LRRC7: variants seen among roughly 807,000 people sequenced by gnomAD.
LRRC7 encodes leucine-rich repeat-containing protein 7.
LRRC7 carries 23 observed loss-of-function variants against 175.7 expected under a neutral mutation model. The ratio of observed to expected loss-of-function variants is 0.13; its 90% CI spans 0.09 to 0.19. LRRC7 has a LOEUF of 0.19. Among genes scored for constraint, LRRC7 ranks in the 10% least tolerant of loss-of-function variants. The pLI is 1.00. For missense variants in LRRC7, 1,354 were observed against 1,904.7 expected, an observed-to-expected ratio of 0.71 and a Z score of 5.38; for synonymous variants, 685 against 680.9, an observed-to-expected ratio of 1.01 and a Z score of -0.09.
chr1:69,732,219 G>A (rs1394678154), intron 2 of LRRC7, among the ~76,000 whole-genome samples: 3 of 151,714 alleles, frequency 2.0e-5, no homozygotes, highest in Non-Finnish European at 4.4e-5. Context: ...TCAAGAAAAA[G>A]CTAAATATTT....
chr1:69,923,576 G>GT (rs1557892793), intron 7 of LRRC7, among the ~76,000 whole-genome samples: 3 of 152,176 alleles, frequency 2.0e-5, no homozygotes, highest in African/African-American at 7.2e-5. Context: ...TTGTTCATGT[G>GT]TTTTTTGGCT....
chr1:70,038,123 T>C lies in LRRC7; in HGVS notation c.2299T>C (p.Ser767Pro), dbSNP rs1439026962. ...NSLWGNRIAP[S>P]FPQPLDSKPL... Reference sequence around the variant, plus strand: ...CCATTGTGTTCACAGGATTGCACCATCTTTCCCACAGCCTCTTGATTCAAA... The same window carrying C: ...CCATTGTGTTCACAGGATTGCACCACCTTTCCCACAGCCTCTTGATTCAAA... Residue 767 changes from serine (S) to proline (P), a missense_variant, in exon 21 of 27, where the codon TCT becomes CCT. Transcript: ENST00000651989. 1.2e-6 allele frequency: 2 copies of C among 1,608,016 alleles called. No individual in the cohort carries two copies. Among genetic ancestry groups the C allele is most frequent in the African/African-American group, 2.7e-5 (2 of 74,784 alleles).
At chr1:69,782,091 A>T (rs2101030106) in intron 3 of LRRC7, among the ~76,000 whole-genome samples, 1 of 152,286 alleles carries the variant, frequency 6.6e-6, no homozygotes, top group Middle Eastern at 3.4e-3. Context: ...CAAAATAAGG[A>T]TAATAATACC....
Position 70,013,092 on chromosome 1 carries a change from AT to A in LRRC7, c.1250+8del, listed in dbSNP as rs574666716. ...GTCCTAAATTTGAGTGACAACAGGT[AT>A]TTTTGCAACATTTCACAATCACATA... On this transcript the variant is annotated splice_donor_region_variant and intron_variant, in intron 13 of 26. Coordinates refer to ENST00000651989, the MANE Select transcript of LRRC7 (RefSeq NM_001370785.2). 129 of 1,508,378 alleles carry A rather than the reference AT, an allele frequency of 8.6e-5. No homozygotes were observed. The African/African-American group carries it at 1.6e-3, about 18-fold the overall frequency. 93.4% of individuals were successfully genotyped at this position (1,508,378 alleles called of 1,614,324 possible). A position where few individuals can be genotyped will look rare whatever the true frequency, so the allele number is the denominator to read the frequency against.
At chr1:70,056,394 T>C (rs1394115138) in intron 23 of LRRC7, among the ~76,000 whole-genome samples, 1 of 152,166 alleles carries the variant, frequency 6.6e-6, no homozygotes, top group Admixed American at 6.5e-5. Flanking sequence ...TTCAAGGAAA[T>C]ACTTCACTAA....
At chr1:69,602,959 G>A (rs1647140663) in intron 1 of LRRC7, among the ~76,000 whole-genome samples, 1 of 152,180 alleles carries the variant, frequency 6.6e-6, no homozygotes, top group Non-Finnish European at 1.5e-5. Context: ...AGTAGCCTAT[G>A]CGATCTAGGT....
chr1:69,772,924 A>G (rs1158475186), intron 3 of LRRC7, among the ~76,000 whole-genome samples: 1 of 152,232 alleles, frequency 6.6e-6, no homozygotes, highest in Non-Finnish European at 1.5e-5. Context: ...ATTGGCTAAG[A>G]GGATAGAGGA....
chr1:69,627,506 T>G (rs1570034774), intron 1 of LRRC7, among the ~76,000 whole-genome samples: 1 of 152,198 alleles, frequency 6.6e-6, no homozygotes, highest in Admixed American at 6.5e-5. Flanking sequence ...TGCAAATATT[T>G]TCTCCCATTC....
rs1247060711 is a variant in LRRC7 at position 69,884,930 on chromosome 1, G to A, written c.648-46577G>A. Among the ~76,000 whole-genome samples the A allele has an allele frequency of 1.7e-3, 246 of 147,996 alleles. 1 individual carries two copies. The highest frequency in any genetic ancestry group is 6.0e-3 in the African/African-American group (234 of 38,732). ...TGCTGGATTACATTTATTGATTTGT[G>A]TATATTGAACCAGCCTTGCATCACA... On this transcript the variant is annotated intron_variant, in intron 7 of 26. Transcript: ENST00000651989.
chr1:69,776,153 A>G (rs921216218), intron 3 of LRRC7, among the ~76,000 whole-genome samples: 2 of 152,180 alleles, frequency 1.3e-5, no homozygotes, highest in African/African-American at 4.8e-5. Context: ...AAACTGGAGA[A>G]TATAGCATCT....
At chr1:69,948,215 A>T (rs1649548757) in intron 8 of LRRC7, among the ~76,000 whole-genome samples, 1 of 152,186 alleles carries the variant, frequency 6.6e-6, no homozygotes, top group Non-Finnish European at 1.5e-5. Flanking sequence ...GGTAACTAAA[A>T]CTATGGAAAA....
At chr1:69,711,010 T>A (rs886293211) in intron 2 of LRRC7, among the ~76,000 whole-genome samples, 3 of 152,114 alleles carry the variant, frequency 2.0e-5, no homozygotes, top group African/African-American at 7.2e-5. Flanking sequence ...TCCACCCAGA[T>A]CTCACAAGTC....
At chr1:69,573,815 A>G (rs1320575506) in intron 1 of LRRC7, among the ~76,000 whole-genome samples, 1 of 152,168 alleles carries the variant, frequency 6.6e-6, no homozygotes, top group East Asian at 1.9e-4. Context: ...TTTTACTTCA[A>G]TACACGTGAA....
chr1:69,783,531 C>A (rs927377504), intron 3 of LRRC7, among the ~76,000 whole-genome samples: 4 of 151,978 alleles, frequency 2.6e-5, no homozygotes, highest in Non-Finnish European at 4.4e-5. Context: ...CCGAGGCAGG[C>A]AGATCACCTG....
At chr1:69,906,251 C>T (rs1416453618) in intron 7 of LRRC7, among the ~76,000 whole-genome samples, 3 of 152,136 alleles carry the variant, frequency 2.0e-5, no homozygotes, top group Non-Finnish European at 2.9e-5. Flanking sequence ...TGTGCAGAAG[C>T]TCTTTAGTTT....
At chr1:69,737,725 T>G (rs1013663274) in intron 2 of LRRC7, among the ~76,000 whole-genome samples, 1 of 152,108 alleles carries the variant, frequency 6.6e-6, no homozygotes, top group Non-Finnish European at 1.5e-5. Context: ...CCCAGAACTC[T>G]TGCAAACCTG....
intron 15 of LRRC7, 157 bp from the exon 16 acceptor site, chr1:70,020,848 C>A: frequency 4.0e-6 from 2 of 495,860 alleles, no homozygotes; most frequent in Middle Eastern, 5.8e-4. Flanking sequence ...GAATTTTATT[C>A]TTTTCTCTTT....
intron 7 of LRRC7, among the ~76,000 whole-genome samples, chr1:69,893,471 C>T (rs145800028): frequency 1.2e-3 from 176 of 152,268 alleles, no homozygotes; most frequent in African/African-American, 4.1e-3. Flanking sequence ...ATGGATAATA[C>T]ACTAATTTTT....
At chr1:69,906,899 A>G (rs950264890) in intron 7 of LRRC7, among the ~76,000 whole-genome samples, 3 of 152,144 alleles carry the variant, frequency 2.0e-5, no homozygotes, top group Non-Finnish European at 4.4e-5. Flanking sequence ...TGAGCATGGA[A>G]TGTTCTTCCA....
Sources: allele counts gnomAD v4.1 joint callset (sites outside exome capture counted in the v4.1 genomes callset), GRCh38; gene constraint gnomAD v4.1.1; transcripts MANE v1.5; gene names NCBI Gene and HGNC (gene_info 2026-07-23, HGNC 2026-07-21).